TPTE2: variants seen among roughly 807,000 people sequenced by gnomAD.
The protein encoded by TPTE2 is phosphatidylinositol 3,4,5-trisphosphate 3-phosphatase TPTE2.
In TPTE2, 53 loss-of-function variants were observed where a neutral mutation model predicts 78.6. The observed-to-expected ratio is 0.67, with a 90% CI of 0.54 to 0.85. TPTE2 has a LOEUF of 0.85. Ranked by LOEUF, TPTE2 falls within the 40% of genes least tolerant of loss-of-function variation. TPTE2 has a pLI of 0.00. For synonymous variants in TPTE2, 175 were observed against 206.2 expected, an observed-to-expected ratio of 0.85 and a Z score of 1.30; for missense variants, 461 against 623.0, an observed-to-expected ratio of 0.74 and a Z score of 2.77.
chr13:19,471,751 C>A (rs1474771435), intron 6 of TPTE2, among the ~76,000 whole-genome samples: 13 of 152,176 alleles, frequency 8.5e-5, no homozygotes, highest in Admixed American at 2.0e-4. Context: ...TTTCTGTATA[C>A]CTACTATTAC....
the TPTE2 span, chr13:19,560,673 A>G: frequency 2.0e-6 from 3 of 1,534,388 alleles, no homozygotes; most frequent in Admixed American, 1.7e-5. Context: ...TCTCAGGCTC[A>G]ACCACCATTA....
intron 10 of TPTE2, among the ~76,000 whole-genome samples, chr13:19,463,275 C>G (rs1879058573): frequency 6.6e-6 from 1 of 152,336 alleles, no homozygotes; most frequent in East Asian, 1.9e-4. Flanking sequence ...ACCACTGCAC[C>G]TGGACTCTTG....
the TPTE2 span, among the ~76,000 whole-genome samples, chr13:19,546,411 A>T: frequency 6.6e-6 from 1 of 151,988 alleles, no homozygotes; most frequent in Non-Finnish European, 1.5e-5. Flanking sequence ...TTGGGAAAAA[A>T]ATATAATACT....
chr13:19,438,113 G>T (rs190246221), exon 14 of TPTE2: 1 of 1,606,168 alleles, frequency 6.2e-7, no homozygotes, highest in Admixed American at 1.7e-5. Flanking sequence ...AAAATATTTC[G>T]GAGGCAATAA....
intron 3 of TPTE2, among the ~76,000 whole-genome samples, chr13:19,489,304 T>C (rs1484866821): frequency 6.6e-6 from 1 of 152,096 alleles, no homozygotes; most frequent in African/African-American, 2.4e-5. Context: ...TCAGGAGACT[T>C]GCTCAATGCA....
chr13:19,478,660 G>C (rs911274342), intron 4 of TPTE2, among the ~76,000 whole-genome samples: 8 of 152,006 alleles, frequency 5.3e-5, no homozygotes, highest in Admixed American at 2.0e-4. Context: ...CCATTACTGG[G>C]TATATACCCA....
At chr13:19,506,312 C>A (rs1869031839), upstream of TPTE2, among the ~76,000 whole-genome samples, 1 of 149,014 alleles carries the variant, frequency 6.7e-6, no homozygotes, top group Admixed American at 6.7e-5. Flanking sequence ...GCTGGGACTA[C>A]AGGCGCCCGC....
At chr13:19,522,182 A>C (rs1403911990) in intron 1 of TPTE2, among the ~76,000 whole-genome samples, 1 of 152,226 alleles carries the variant, frequency 6.6e-6, no homozygotes, top group Non-Finnish European at 1.5e-5. Context: ...ACCAACTGTC[A>C]TGGCATCACA....
In TPTE2 at chr13:19,535,387, T is replaced by C. The variant is rs894724549; in HGVS notation, c.-44+1209A>G. On this transcript the variant is annotated intron_variant, in intron 1 of 17. Coordinates refer to the TPTE2 transcript ENST00000390680. The surrounding 1 kb of genome is among the most constrained non-coding windows in gnomAD (Gnocchi z 5.1). ...CTATCTACAAAAAGGGACAATGTCA[T>C]CACTGGCTAGTGAAAATTAGAAAAA... Among the ~76,000 whole-genome samples the C allele has an allele frequency of 6.6e-6, 1 of 151,962 alleles. No homozygotes were observed. Among genetic ancestry groups the C allele is most frequent in the African/African-American group, 2.4e-5 (1 of 41,418 alleles).
chr13:19,463,634 T>C (rs1013089135), intron 10 of TPTE2, among the ~76,000 whole-genome samples: 4 of 152,184 alleles, frequency 2.6e-5, no homozygotes, highest in African/African-American at 9.7e-5. Flanking sequence ...AGAGCTTTCA[T>C]AGAGAAATAC....
At chr13:19,475,283 T>C (rs1879867422) in intron 5 of TPTE2, among the ~76,000 whole-genome samples, 1 of 151,992 alleles carries the variant, frequency 6.6e-6, no homozygotes, top group African/African-American at 2.4e-5. Flanking sequence ...TGCAGTGCAA[T>C]GGTGCAATTT....
chr13:19,497,206 G>A lies in TPTE2; in HGVS notation c.12-3705C>T, dbSNP rs767043303. The stretch of plus-strand genomic sequence containing the variant: ...GCAGTCTGAGATCAAACTGCAAGGC[G>A]GCAGCGAGGCTGGGGGAGGGGCGCC... On this transcript the variant is annotated intron_variant, in intron 1 of 19. Coordinates refer to ENST00000400230, the Ensembl canonical transcript of TPTE2. 4.4e-3 allele frequency among the ~76,000 whole-genome samples: 653 copies of A among 149,812 alleles called. 8 individuals carry two copies. Among genetic ancestry groups the A allele is most frequent in the South Asian group, 0.027 (121 of 4,524 alleles).
chr13:19,554,219 C>T, the TPTE2 span, among the ~76,000 whole-genome samples: 1 of 151,224 alleles, frequency 6.6e-6, no homozygotes, highest in Non-Finnish European at 1.5e-5. Context: ...ACTAAAAATA[C>T]AAAAAATTAG....
the TPTE2 span, among the ~76,000 whole-genome samples, chr13:19,546,483 CTTTTTTTTTTT>C: frequency 1.3e-4 from 11 of 85,022 alleles, no homozygotes; most frequent in Non-Finnish European, 1.5e-4. Flanking sequence ...TTTTCTTTTT[CTTTTTTTTTTT>C]TTTTTTTTTT....
At position 19,527,876 on chromosome 13, in the gene TPTE2, T is replaced by C. The variant is rs568977290; in HGVS notation, c.-44+8720A>G. ...GTGTCCACATCCAGGTTATGGGTCC[T>C]GCAGAGAGCTTGGAATACTTAGCCC... On this transcript the variant is annotated intron_variant, in intron 1 of 17. Transcript: ENST00000390680. Among the ~76,000 whole-genome samples the C allele has an allele frequency of 9.8e-5, 15 of 152,338 alleles. No individual in the cohort carries two copies. The South Asian group carries it at 2.9e-3, about 29-fold the overall frequency.
chr13:19,506,158 A>ATTTTTTT (rs1566069858), upstream of TPTE2, among the ~76,000 whole-genome samples: 3 of 23,556 alleles, frequency 1.3e-4, no homozygotes, highest in Non-Finnish European at 2.0e-4. Flanking sequence ...GTGTATATAA[A>ATTTTTTT]TCTTTTTTTT....
intron 13 of TPTE2, 83 bp from the exon 17 acceptor site, chr13:19,438,236 G>T: frequency 6.6e-7 from 1 of 1,506,130 alleles, no homozygotes; most frequent in Non-Finnish European, 8.9e-7. Context: ...ATTTTAACTT[G>T]ATTTTCTTTC....
rs1451311622 is a variant in TPTE2 at position 19,473,576 on chromosome 13, C to T, written c.392+338G>A. Among the ~76,000 whole-genome samples, 4 of 148,506 alleles carry T rather than the reference C, an allele frequency of 2.7e-5. No homozygotes were observed. In the South Asian group the frequency reaches 6.4e-4, roughly 24 times the overall value. On this transcript the variant is annotated intron_variant, in intron 6 of 19. Coordinates refer to ENST00000400230, the Ensembl canonical transcript of TPTE2. Reference sequence around the variant, plus strand: ...CTTAAGTCAGTTTGTGGTGAATGCTCCTGTTAATTATTTTAAAATGCTTTT... The same window carrying T: ...CTTAAGTCAGTTTGTGGTGAATGCTTCTGTTAATTATTTTAAAATGCTTTT...
intron 16 of TPTE2, 150 bp from the exon 20 acceptor site, chr13:19,430,697 T>C (rs548573899): frequency 1.6e-6 from 1 of 616,508 alleles, no homozygotes; most frequent in East Asian, 2.9e-5. Context: ...ATGGATTTTG[T>C]CTTTGAAAGA....
Sources: gnomAD v4.1 joint callset for allele counts (sites outside exome capture counted in the v4.1 genomes callset) on GRCh38, gnomAD v4.1.1 for gene constraint, Gnocchi (gnomAD v3.1) non-coding constraint, MANE v1.5 for transcripts, NCBI Gene and HGNC (gene_info 2026-07-23, HGNC 2026-07-21) for gene names.